UBN1: variants seen among roughly 807,000 people sequenced by gnomAD.
The protein encoded by UBN1 is ubinuclein-1.
In UBN1, 17 loss-of-function variants were observed where a neutral mutation model predicts 108.5. That is an observed-to-expected ratio of 0.16 (90% CI 0.11 to 0.24). The LOEUF (loss-of-function observed/expected upper bound fraction) is 0.24, where lower values mean the gene tolerates loss of function less well. Among genes scored for constraint, UBN1 ranks in the 10% least tolerant of loss-of-function variants. The pLI is 1.00. For missense variants in UBN1, 1,595 were observed against 1,394.4 expected, an observed-to-expected ratio of 1.14 and a Z score of -2.29; for synonymous variants, 726 against 564.2, an observed-to-expected ratio of 1.29 and a Z score of -4.07.
At position 4,861,106 on chromosome 16, in the gene UBN1, T is replaced by C. The variant is rs1404810513; in HGVS notation, c.1110+4T>C. ...GCGCGTTAAGGAGCTGGCTCAGGTA[T>C]GGTGGCACAGTGCGGCTGGGCTTTC... On this transcript the variant is annotated splice_donor_region_variant and intron_variant, in intron 7 of 17. Transcript: ENST00000262376. 2 of 1,610,610 alleles carry C rather than the reference T, an allele frequency of 1.2e-6. No individual in the cohort carries two copies. Among genetic ancestry groups the C allele is most frequent in the Non-Finnish European group, 1.7e-6 (2 of 1,178,554 alleles).
chr16:4,859,014 C>T lies in UBN1; in HGVS notation c.433-11C>T. The stretch of plus-strand genomic sequence containing the variant: ...AGAACTTGGAGCTGACAGTTTGTTT[C>T]CCATCTTCAGTATGATGAGCTTGTT... On this transcript the variant is annotated splice_polypyrimidine_tract_variant and intron_variant, in intron 4 of 17. Coordinates refer to ENST00000262376, the MANE Select transcript of UBN1 (RefSeq NM_001079514.3). 2 of 1,610,804 alleles carry T rather than the reference C, an allele frequency of 1.2e-6. No individual in the cohort carries two copies. The highest frequency in any genetic ancestry group is 1.7e-6 in the Non-Finnish European group (2 of 1,179,134).
chr16:4,863,206 TTA>T (rs1252087400), intron 7 of UBN1, among the ~76,000 whole-genome samples: 6 of 152,320 alleles, frequency 3.9e-5, no homozygotes, highest in Non-Finnish European at 7.4e-5. Flanking sequence ...TTACGTAATA[TTA>T]TAAAGCCCTC....
chr16:4,873,065 A>G lies in UBN1; in HGVS notation c.1792A>G (p.Lys598Glu), dbSNP rs1420435565. ...KKKVMAPSKI[K>E]VKESSTKPDK... The stretch of plus-strand genomic sequence containing the variant: ...GAAAGTTATGGCCCCTTCTAAAATC[A>G]AGGTGAAGGTGAGTCAGTTTGCTCG... Residue 598 changes from lysine (K) to glutamate (E), a missense_variant, in exon 14 of 18, where the codon AAG (lysine) becomes GAG (glutamate). By Grantham distance (56) the Lys-to-Glu change is moderately conservative. Coordinates refer to ENST00000262376, the MANE Select transcript of UBN1 (RefSeq NM_001079514.3). The G allele has an allele frequency of 4.3e-6, 7 of 1,614,038 alleles. No homozygotes were observed. The highest frequency in any genetic ancestry group is 5.1e-6 in the Non-Finnish European group (6 of 1,180,050).
At position 4,853,035 on chromosome 16, in the gene UBN1, C is replaced by T; in HGVS notation, c.118C>T (p.Pro40Ser). The change falls in exon 2 of 18, where the codon CCG becomes TCG. Residue 40 changes from proline to serine, a missense_variant. Physicochemically the swap from Pro to Ser is moderately conservative, Grantham distance 74 (BLOSUM62 -1). Coordinates refer to ENST00000262376, the MANE Select transcript of UBN1 (RefSeq NM_001079514.3). Reference protein sequence around the residue: ...GAGEQHQDCEPAAAAVRITLT... With the variant: ...GAGEQHQDCESAAAAVRITLT... ...AGGAGAACAGCATCAGGACTGTGAGCCGGCTGCAGCAGCTGTTCGGATTAC... is the reference window on the plus strand; with the variant it reads ...AGGAGAACAGCATCAGGACTGTGAGTCGGCTGCAGCAGCTGTTCGGATTAC... 9 of 1,614,186 alleles carry T rather than the reference C, an allele frequency of 5.6e-6. No homozygotes were observed. The highest frequency in any genetic ancestry group is 5.9e-6 in the Non-Finnish European group (7 of 1,180,026).
Position 4,870,258 on chromosome 16 carries a change from G to C in UBN1, c.1228G>C (p.Val410Leu), listed in dbSNP as rs77260454. Reference sequence around the variant, plus strand: ...GCTGAGCAGTCAGGTCCGCTCTGGGGTGTATGCCTATCTTGCGTCATTCCT... The same window carrying C: ...GCTGAGCAGTCAGGTCCGCTCTGGGCTGTATGCCTATCTTGCGTCATTCCT... ...RELSSQVRSGVYAYLASFLPC... is the reference protein window; with the variant it reads ...RELSSQVRSGLYAYLASFLPC... Residue 410 changes from valine to leucine, a missense_variant, in exon 9 of 18, where the codon GTG becomes CTG. Transcript: ENST00000262376. The C allele has an allele frequency of 3.1e-6, 5 of 1,614,244 alleles. No homozygotes were observed. Among genetic ancestry groups the C allele is most frequent in the Non-Finnish European group, 3.4e-6 (4 of 1,180,044 alleles).
At chr16:4,850,898 A>G (rs2086527175) in intron 1 of UBN1, among the ~76,000 whole-genome samples, 1 of 152,250 alleles carries the variant, frequency 6.6e-6, no homozygotes, top group South Asian at 2.1e-4. Flanking sequence ...CTGGAATGGC[A>G]AAGTATTATT....
In UBN1 at chr16:4,876,972, C is replaced by G; in HGVS notation, c.3126C>G (p.Ser1042=). 2 of 1,614,224 alleles carry G rather than the reference C, an allele frequency of 1.2e-6. No individual in the cohort carries two copies. Among genetic ancestry groups the G allele is most frequent in the Non-Finnish European group, 1.7e-6 (2 of 1,180,042 alleles). The part of the protein sequence containing the change: ...PKLSGAMSSN[S]LGIITPVPIP... ...TGTCTGGGGCCATGAGCTCGAACTC[C>G]TTGGGAATTATAACCCCTGTCCCTA... The change falls in exon 16 of 18, where the codon TCC becomes TCG. Residue 1042 remains serine (S), a synonymous_variant. Transcript: ENST00000262376.
At chr16:4,871,814 C>A (rs1367910342) in intron 12 of UBN1, among the ~76,000 whole-genome samples, 1 of 152,078 alleles carries the variant, frequency 6.6e-6, no homozygotes, top group Non-Finnish European at 1.5e-5. Flanking sequence ...TCTCAATCTC[C>A]TGACCTTGTG....
chr16:4,861,812 G>A (rs925998410), intron 7 of UBN1, among the ~76,000 whole-genome samples: 6 of 152,154 alleles, frequency 3.9e-5, no homozygotes, highest in African/African-American at 9.7e-5. Context: ...GCCTGGTGGC[G>A]CTCGCCGTAA....
intron 10 of UBN1, 76 bp downstream of exon 10, chr16:4,870,710 C>T: frequency 6.3e-7 from 1 of 1,590,836 alleles, no homozygotes. Context: ...GTGTGTACTG[C>T]CGTTTCCCAA....
Position 4,847,486 on chromosome 16 carries a change from C to T in UBN1, c.-764C>T, listed in dbSNP as rs1243567939. The T allele has an allele frequency of 1.2e-5, 7 of 585,932 alleles. No homozygotes were observed. The East Asian group carries it at 2.1e-4, about 17-fold the overall frequency. The allele number at this position is 585,932 out of a possible 1,614,324, so 36.3% of individuals were successfully genotyped here. A position where few individuals can be genotyped will look rare whatever the true frequency, so the allele number is the denominator to read the frequency against. On this transcript the variant is annotated 5_prime_UTR_variant, in exon 1 of 18. Coordinates refer to ENST00000262376, the MANE Select transcript of UBN1 (RefSeq NM_001079514.3). Reference sequence around the variant, plus strand: ...GCCGGAGCGCAGAGACTCCCGGCTCCTTCCCCCTCCCTTCGGCTCGTGACA... The same window carrying T: ...GCCGGAGCGCAGAGACTCCCGGCTCTTTCCCCCTCCCTTCGGCTCGTGACA...
rs574897358 is a variant in UBN1, at chr16:4,877,826, G to C, written c.3355+352G>C. The C allele has an allele frequency of 7.8e-5, 80 of 1,023,918 alleles. 1 individual carries two copies. In the East Asian group the frequency reaches 2.6e-3, roughly 33 times the overall value. The allele number at this position is 1,023,918 out of a possible 1,614,324, so 63.4% of individuals were successfully genotyped here. On this transcript the variant is annotated intron_variant, in intron 17 of 17. Transcript: ENST00000262376. This position sits in a 1 kb window ranked among gnomAD's most constrained non-coding sequence, Gnocchi z 4.3. ...AAAAAAAAAAAAAGGGAAGGTAATG[G>C]TGCATCTTCTCCAAGGGCTAATTGG...
intron 2 of UBN1, 39 bp from the exon 3 acceptor site, chr16:4,857,951 A>T (rs200837486): frequency 6.9e-7 from 1 of 1,457,828 alleles, no homozygotes; most frequent in African/African-American, 1.4e-5. Flanking sequence ...ACATGGGAAT[A>T]TTTTCTGACT....
intron 2 of UBN1, among the ~76,000 whole-genome samples, chr16:4,856,844 C>T (rs904667337): frequency 7.9e-5 from 12 of 152,170 alleles, no homozygotes; most frequent in Non-Finnish European, 1.3e-4. Flanking sequence ...GAGGTATGAT[C>T]GTTAGATGTA....
In UBN1 at chr16:4,874,220, A is replaced by G; in HGVS notation, c.1810A>G (p.Thr604Ala). The G allele has an allele frequency of 2.6e-6, 4 of 1,557,634 alleles. No homozygotes were observed. The highest frequency in any genetic ancestry group is 2.6e-6 in the Non-Finnish European group (3 of 1,153,236). ...PSKIKVKESS[T>A]KPDKKVSVPS... Reference sequence around the variant, plus strand: ...TTCTGTTTTCCTTTAGGAATCGTCTACGAAGCCTGATAAAAAGGTTTCTGT... The same window carrying G: ...TTCTGTTTTCCTTTAGGAATCGTCTGCGAAGCCTGATAAAAAGGTTTCTGT... The change falls in exon 15 of 18, where the codon ACG becomes GCG. Residue 604 changes from threonine (T) to alanine (A), a missense_variant. Thr to Ala is a moderately conservative substitution (Grantham distance 58, BLOSUM62 0). Coordinates refer to ENST00000262376, the MANE Select transcript of UBN1 (RefSeq NM_001079514.3).
chr16:4,858,147 G>A, intron 3 of UBN1, 71 bp downstream of exon 3: 2 of 998,154 alleles, frequency 2.0e-6, no homozygotes, highest in Non-Finnish European at 3.2e-6. Flanking sequence ...TATTCCTTTA[G>A]TGGATCATCA....
rs1045643 is a variant in UBN1, at chr16:4,881,512, C to T, written c.*1380C>T. 0.14 allele frequency: 20,818 copies of T among 152,098 alleles called. 1,603 individuals are homozygous for T. The highest frequency in any genetic ancestry group is 0.23 in the East Asian group (1,189 of 5,150). 9.4% of individuals were successfully genotyped at this position (152,098 alleles called of 1,614,324 possible). A position where few individuals can be genotyped will look rare whatever the true frequency, so the allele number is the denominator to read the frequency against. On this transcript the variant is annotated 3_prime_UTR_variant, in exon 18 of 18. Transcript: ENST00000262376. ...AGTGATCAGGCACGTTGAGAGTATA[C>T]GGTGTCCTCAGCACATACACCTGTG... is the stretch of plus-strand genomic sequence containing the variant.
chr16:4,882,251 G>C lies in UBN1; in HGVS notation c.*2119G>C, dbSNP rs1376636016. On this transcript the variant is annotated 3_prime_UTR_variant, in exon 18 of 18. Coordinates refer to ENST00000262376, the MANE Select transcript of UBN1 (RefSeq NM_001079514.3). ...TACCGGGCGTGACCGTTTCTTAGGT[G>C]TGAGAGGGGCTGTGGCTTTTGTGCA... 6.5e-6 allele frequency: 1 copy of C among 152,718 alleles called. No homozygotes were observed. The highest frequency in any genetic ancestry group is 1.5e-5 in the Non-Finnish European group (1 of 68,058). The allele number at this position is 152,718 out of a possible 1,614,324, so 9.5% of individuals were successfully genotyped here. A position where few individuals can be genotyped will look rare whatever the true frequency, so the allele number is the denominator to read the frequency against.
intron 8 of UBN1, among the ~76,000 whole-genome samples, chr16:4,869,529 C>A (rs974380063): frequency 8.5e-5 from 13 of 152,220 alleles, no homozygotes; most frequent in African/African-American, 3.1e-4. Context: ...GCAGGGGAAG[C>A]TTGTTGCTCA....
Sources: allele counts gnomAD v4.1 joint callset (sites outside exome capture counted in the v4.1 genomes callset), GRCh38; gene constraint gnomAD v4.1.1; non-coding constraint Gnocchi (gnomAD v3.1); transcripts MANE v1.5; gene names NCBI Gene and HGNC (gene_info 2026-07-23, HGNC 2026-07-21).